CSMD1: variants seen among roughly 807,000 people sequenced by gnomAD.
The protein encoded by CSMD1 is CUB and sushi domain-containing protein 1.
Under a neutral mutation model 417.5 loss-of-function variants are expected in CSMD1, and 213 were observed. The observed-to-expected ratio is 0.51, with a 90% CI of 0.46 to 0.57. The LOEUF is 0.57. CSMD1 is among the 20% of genes least tolerant of loss of function. The probability of loss-of-function intolerance (pLI) is 0.00; values close to 1 mark genes in which losing one functional copy is unlikely to be tolerated. For synonymous variants in CSMD1, 2,862 were observed against 1,736.8 expected (o/e 1.65, Z -16.11); for missense variants, 6,923 against 4,529.7 (o/e 1.53, Z -15.17).
At chr8:3,118,070 C>G (rs1006418081) in intron 42 of CSMD1, among the ~76,000 whole-genome samples, 1 of 152,210 alleles carries the variant, frequency 6.6e-6, no homozygotes. Context: ...CACTGTAAAG[C>G]TGAACGCTGC....
At position 4,390,345 on chromosome 8, in the gene CSMD1, A is replaced by G. The variant is rs370536474; in HGVS notation, c.415+29608T>C. ...GAAAAGAAGGAAAAGAGAAATAACCATAATAATACCACATTCCAAGCCTGG... is the reference window on the plus strand; with the variant it reads ...GAAAAGAAGGAAAAGAGAAATAACCGTAATAATACCACATTCCAAGCCTGG... On this transcript the variant is annotated intron_variant, in intron 3 of 69. Coordinates refer to ENST00000635120, the MANE Select transcript of CSMD1 (RefSeq NM_033225.6). 1.4e-3 allele frequency among the ~76,000 whole-genome samples: 210 copies of G among 152,252 alleles called. 1 individual carries two copies. The highest frequency in any genetic ancestry group is 4.8e-3 in the African/African-American group (198 of 41,552).
chr8:3,398,441 C>G (rs188510340), intron 16 of CSMD1, among the ~76,000 whole-genome samples: 12 of 152,154 alleles, frequency 7.9e-5, no homozygotes, highest in African/African-American at 2.4e-4. Context: ...ATAATTATTT[C>G]AAATAAATAC....
At chr8:4,176,430 T>A (rs1339445184) in intron 3 of CSMD1, among the ~76,000 whole-genome samples, 1 of 152,156 alleles carries the variant, frequency 6.6e-6, no homozygotes, top group Non-Finnish European at 1.5e-5. Flanking sequence ...ATTTTTACCT[T>A]GGAAGCTTTC....
chr8:3,647,150 T>C (rs527840454), intron 7 of CSMD1, among the ~76,000 whole-genome samples: 2 of 152,128 alleles, frequency 1.3e-5, no homozygotes, highest in Admixed American at 1.3e-4. Flanking sequence ...CTTGTAGGGG[T>C]GGATGGTCCT....
chr8:2,996,456 G>T (rs150723285), intron 54 of CSMD1, among the ~76,000 whole-genome samples: 1 of 152,192 alleles, frequency 6.6e-6, no homozygotes, highest in Non-Finnish European at 1.5e-5. Context: ...GCTAATGCAC[G>T]CACACACGAT....
intron 1 of CSMD1, among the ~76,000 whole-genome samples, chr8:4,985,256 T>C (rs1031117410): frequency 5.9e-5 from 9 of 152,144 alleles, no homozygotes; most frequent in Non-Finnish European, 1.0e-4. Flanking sequence ...AAGTAACTAA[T>C]GGATACTAGG....
intron 21 of CSMD1, among the ~76,000 whole-genome samples, chr8:3,356,216 T>G (rs73505684): frequency 0.012 from 1,796 of 152,358 alleles, 34 homozygotes; most frequent in African/African-American, 0.041. Context: ...CATTTTTATT[T>G]CTATAATTTT....
chr8:3,247,394 G>C (rs1273207198), intron 26 of CSMD1, among the ~76,000 whole-genome samples: 1 of 152,016 alleles, frequency 6.6e-6, no homozygotes, highest in Non-Finnish European at 1.5e-5. Flanking sequence ...ATGACATTGT[G>C]ACCCCTCTGC....
At chr8:3,357,567 G>C (rs1390894784) in intron 21 of CSMD1, among the ~76,000 whole-genome samples, 1 of 152,168 alleles carries the variant, frequency 6.6e-6, no homozygotes, top group Admixed American at 6.5e-5. Context: ...ACAGTGTAAA[G>C]ATAATGACTC....
intron 1 of CSMD1, among the ~76,000 whole-genome samples, chr8:4,866,177 G>C (rs1802409514): frequency 6.6e-6 from 1 of 151,872 alleles, no homozygotes; most frequent in Non-Finnish European, 1.5e-5. Flanking sequence ...TTAAGAGGTG[G>C]ATGACCACCA....
chr8:2,950,965 G>A lies in CSMD1; in HGVS notation c.10201+149C>T, dbSNP rs528910045. 1.8e-5 allele frequency: 12 copies of A among 654,016 alleles called. No homozygotes were observed. In the African/African-American group the frequency reaches 1.8e-4, roughly 10 times the overall value. 40.5% of individuals were successfully genotyped at this position (654,016 alleles called of 1,614,324 possible). A position where few individuals can be genotyped will look rare whatever the true frequency, so the allele number is the denominator to read the frequency against. ...AAGAAAATAATACCAACCTCTCACG[G>A]CTAGGGAGAGGCTCCAATGAGTTAC... On this transcript the variant is annotated intron_variant, in intron 66 of 69. Transcript: ENST00000635120.
chr8:3,813,863 G>A (rs1163107585), intron 5 of CSMD1, among the ~76,000 whole-genome samples: 1 of 152,112 alleles, frequency 6.6e-6, no homozygotes, highest in Non-Finnish European at 1.5e-5. Flanking sequence ...TATCAGACAA[G>A]AGAAAAAGAA....
chr8:3,820,621 G>C (rs1163162247), intron 5 of CSMD1, among the ~76,000 whole-genome samples: 4 of 152,336 alleles, frequency 2.6e-5, no homozygotes, highest in South Asian at 2.1e-4. Flanking sequence ...TCTTGTCCAA[G>C]TTGGAGCGTA....
intron 10 of CSMD1, among the ~76,000 whole-genome samples, chr8:3,546,854 T>C (rs1344540629): frequency 6.6e-6 from 1 of 152,046 alleles, no homozygotes; most frequent in Non-Finnish European, 1.5e-5. Flanking sequence ...AAAGGGAAGG[T>C]GAAATATTGG....
At position 3,399,472 on chromosome 8, in the gene CSMD1, G is replaced by C; in HGVS notation, c.2324C>G (p.Pro775Arg). Residue 775 changes from proline (P) to arginine (R), a missense_variant, in exon 16 of 70, where the codon CCA becomes CGA. Transcript: ENST00000635120. ...SSGVILPPGW[P>R]GYYKDSLHCE... is the part of the protein sequence containing the mutation. Reference sequence around the variant, plus strand: ...ATGTAAAGAATCCTTATAATATCCTGGCCATCCAGGAGGCAAAATGACTCC... The same window carrying C: ...ATGTAAAGAATCCTTATAATATCCTCGCCATCCAGGAGGCAAAATGACTCC... The C allele has an allele frequency of 6.2e-7, 1 of 1,609,186 alleles. No individual in the cohort carries two copies. The highest frequency in any genetic ancestry group is 8.5e-7 in the Non-Finnish European group (1 of 1,177,628).
chr8:4,905,655 T>C (rs1372036475), intron 1 of CSMD1, among the ~76,000 whole-genome samples: 3 of 151,058 alleles, frequency 2.0e-5, no homozygotes, highest in East Asian at 2.0e-4. Flanking sequence ...CCGTCTCTAC[T>C]AAAACTACAA....
At chr8:2,980,115 T>C (rs920512928) in intron 54 of CSMD1, among the ~76,000 whole-genome samples, 1 of 152,250 alleles carries the variant, frequency 6.6e-6, no homozygotes, top group Admixed American at 6.5e-5. Flanking sequence ...ACACTAAAGA[T>C]ATTTTTGTGT....
intron 3 of CSMD1, among the ~76,000 whole-genome samples, chr8:4,073,988 T>C (rs918370768): frequency 6.6e-5 from 10 of 152,118 alleles, no homozygotes; most frequent in Admixed American, 1.3e-4. Flanking sequence ...TCATTGGCTT[T>C]GGGAAGCTTT....
intron 7 of CSMD1, among the ~76,000 whole-genome samples, chr8:3,669,348 G>C (rs1585046590): frequency 6.6e-6 from 1 of 152,256 alleles, no homozygotes; most frequent in African/African-American, 2.4e-5. Flanking sequence ...CCATGCTTCA[G>C]AGCCTGCCTT....
Sources: gnomAD v4.1 joint callset for allele counts (sites outside exome capture counted in the v4.1 genomes callset) on GRCh38, gnomAD v4.1.1 for gene constraint, MANE v1.5 for transcripts, NCBI Gene and HGNC (gene_info 2026-07-23, HGNC 2026-07-21) for gene names.